Variants in GMDS observed in about 807,000 individuals in gnomAD.
GMDS encodes the protein GDP-mannose 4,6 dehydratase.
GMDS carries 20 observed loss-of-function variants against 49.9 expected under a neutral mutation model. That is an observed-to-expected ratio of 0.40 (90% CI 0.28 to 0.58). GMDS has a LOEUF of 0.58. Among genes scored for constraint, GMDS ranks in the 20% least tolerant of loss-of-function variants. GMDS has a pLI of 0.42. For missense variants in GMDS, 362 were observed against 481.4 expected (o/e 0.75, Z 2.32); for synonymous variants, 177 against 178.6 (o/e 0.99, Z 0.07).
At chr6:2,230,486 G>A (rs564781779) in intron 1 of GMDS, among the ~76,000 whole-genome samples, 13 of 151,976 alleles carry the variant, frequency 8.6e-5, no homozygotes, top group African/African-American at 3.1e-4. Context: ...TATTTCCCTG[G>A]CCTAGATAAA....
At chr6:2,079,019 C>CTT (rs386405902) in intron 4 of GMDS, among the ~76,000 whole-genome samples, 4,233 of 33,934 alleles carry the variant, frequency 0.12, 950 homozygotes, top group East Asian at 0.32. Context: ...ATGACCTTGT[C>CTT]TTTTTTTTTT....
chr6:1,864,679 C>T (rs1317305906), intron 7 of GMDS, among the ~76,000 whole-genome samples: 2 of 152,068 alleles, frequency 1.3e-5, no homozygotes, highest in Non-Finnish European at 2.9e-5. Flanking sequence ...TTTTTAACAC[C>T]ACTTAAAAAT....
At chr6:2,228,790 T>G (rs1400073186) in intron 1 of GMDS, among the ~76,000 whole-genome samples, 4 of 152,166 alleles carry the variant, frequency 2.6e-5, no homozygotes, top group Non-Finnish European at 5.9e-5. Flanking sequence ...GCTCCCTTTT[T>G]GCCCCTGGAA....
intron 4 of GMDS, among the ~76,000 whole-genome samples, chr6:2,078,676 C>T (rs1381414477): frequency 6.6e-6 from 1 of 151,980 alleles, no homozygotes; most frequent in Non-Finnish European, 1.5e-5. Flanking sequence ...TATTTTGTGG[C>T]CTAACAGTCT....
At chr6:1,900,502 C>T (rs944244430) in intron 7 of GMDS, among the ~76,000 whole-genome samples, 1 of 152,156 alleles carries the variant, frequency 6.6e-6, no homozygotes, top group Non-Finnish European at 1.5e-5. Context: ...AGTCTGATGT[C>T]AAATTTCATA....
chr6:2,245,266 G>C (rs887139430), intron 1 of GMDS, 55 bp downstream of exon 1: 1 of 1,179,892 alleles, frequency 8.5e-7, no homozygotes, highest in Non-Finnish European at 1.2e-6. Context: ...GGCGCGTAGG[G>C]AGAGCACGCG....
At chr6:2,214,785 G>T (rs899269107) in intron 1 of GMDS, among the ~76,000 whole-genome samples, 1 of 152,170 alleles carries the variant, frequency 6.6e-6, no homozygotes, top group Non-Finnish European at 1.5e-5. Flanking sequence ...AAAGTGCTGG[G>T]ATTACAGGCA....
intron 8 of GMDS, among the ~76,000 whole-genome samples, chr6:1,732,152 C>A (rs1023834939): frequency 3.9e-5 from 6 of 152,050 alleles, no homozygotes; most frequent in African/African-American, 1.4e-4. Context: ...ATGGTGAAAC[C>A]CTGTCTCTAC....
intron 4 of GMDS, among the ~76,000 whole-genome samples, chr6:2,004,861 C>T (rs970967091): frequency 4.6e-5 from 7 of 152,026 alleles, no homozygotes; most frequent in African/African-American, 1.7e-4. Context: ...TAATAATGCT[C>T]GTTAGAAAAT....
intron 7 of GMDS, among the ~76,000 whole-genome samples, chr6:1,801,875 T>C (rs1471034216): frequency 1.3e-5 from 2 of 152,368 alleles, no homozygotes; most frequent in South Asian, 2.1e-4. Flanking sequence ...TTTTAGCTTG[T>C]TGAATTTTGT....
chr6:1,814,374 G>A lies in GMDS; in HGVS notation c.772-71788C>T, dbSNP rs115526804. Among the ~76,000 whole-genome samples, 378 of 152,062 alleles carry A rather than the reference G, an allele frequency of 2.5e-3. 1 individual carries two copies. Among genetic ancestry groups the A allele is most frequent in the South Asian group, 0.024 (116 of 4,810 alleles). Reference sequence around the variant, plus strand: ...GCATTTTGGGACTATAAAGACTACTGGAACATTCTGATAAGTCTTACAATG... The same window carrying A: ...GCATTTTGGGACTATAAAGACTACTAGAACATTCTGATAAGTCTTACAATG... On this transcript the variant is annotated intron_variant, in intron 7 of 10. Coordinates refer to ENST00000380815, the MANE Select transcript of GMDS (RefSeq NM_001500.4).
intron 7 of GMDS, among the ~76,000 whole-genome samples, chr6:1,788,441 A>C (rs1769403010): frequency 6.6e-6 from 1 of 152,196 alleles, no homozygotes; most frequent in South Asian, 2.1e-4. Flanking sequence ...CAATTCATTC[A>C]CAGGCTTTAC....
intron 4 of GMDS, among the ~76,000 whole-genome samples, chr6:2,077,588 T>C (rs1310293343): frequency 6.6e-6 from 1 of 152,172 alleles, no homozygotes; most frequent in African/African-American, 2.4e-5. Flanking sequence ...TCACATTTGT[T>C]AATTTGCATA....
At chr6:2,168,264 G>A (rs1416377383) in intron 1 of GMDS, among the ~76,000 whole-genome samples, 1 of 152,204 alleles carries the variant, frequency 6.6e-6, no homozygotes, top group African/African-American at 2.4e-5. Context: ...GCAAACTGCA[G>A]GGAAGGGTGA....
chr6:2,074,906 T>C (rs1772235255), intron 4 of GMDS, among the ~76,000 whole-genome samples: 1 of 152,212 alleles, frequency 6.6e-6, no homozygotes. Context: ...GAGGGTGTAC[T>C]TTCCCTAACG....
intron 4 of GMDS, among the ~76,000 whole-genome samples, chr6:2,067,398 A>G (rs1385226234): frequency 2.7e-5 from 4 of 150,568 alleles, no homozygotes; most frequent in Admixed American, 2.0e-4. Context: ...AGCAGAAGGC[A>G]AGAAATAACT....
At chr6:1,924,790 T>C (rs971860215) in intron 7 of GMDS, among the ~76,000 whole-genome samples, 5 of 152,178 alleles carry the variant, frequency 3.3e-5, no homozygotes, top group Admixed American at 3.3e-4. Context: ...GCATTGCCAC[T>C]AGAGTGTTCT....
At chr6:2,150,867 C>A (rs762465660) in intron 1 of GMDS, among the ~76,000 whole-genome samples, 12 of 152,130 alleles carry the variant, frequency 7.9e-5, no homozygotes, top group Non-Finnish European at 1.5e-4. Context: ...AAAATTTATA[C>A]AGACCACAGT....
At chr6:1,830,830 G>A (rs1756601954) in intron 7 of GMDS, among the ~76,000 whole-genome samples, 3 of 152,150 alleles carry the variant, frequency 2.0e-5, no homozygotes, top group Non-Finnish European at 4.4e-5. Context: ...TCAGGGATAA[G>A]AAATATATAT....
Sources: allele counts gnomAD v4.1 joint callset (sites outside exome capture counted in the v4.1 genomes callset), GRCh38; gene constraint gnomAD v4.1.1; transcripts MANE v1.5; gene names NCBI Gene and HGNC (gene_info 2026-07-23, HGNC 2026-07-21).